Variants in SSH1 observed in about 807,000 individuals in gnomAD.
SSH1 encodes slingshot protein phosphatase 1.
Under a neutral mutation model 79.7 loss-of-function variants are expected in SSH1, and 43 were observed. That is an observed-to-expected ratio of 0.54 (90% CI 0.42 to 0.70). SSH1 has a LOEUF of 0.70. SSH1 is among the 30% of genes least tolerant of loss of function. The probability of loss-of-function intolerance (pLI) is 0.00; values close to 1 mark genes in which losing one functional copy is unlikely to be tolerated. For missense variants in SSH1, 1,206 were observed against 1,358.8 expected, an observed-to-expected ratio of 0.89 and a Z score of 1.77; for synonymous variants, 599 against 538.3, an observed-to-expected ratio of 1.11 and a Z score of -1.56.
rs1420015175 is a variant in SSH1 at position 108,799,097 on chromosome 12, T to C, written c.1252A>G (p.Lys418Glu). Residue 418 changes from lysine to glutamate, a missense_variant, in exon 13 of 15, where the codon AAA becomes GAA. Around this residue, in one of 5 missense-constraint regions of SSH1, gnomAD observed 166 missense variants for 262.9 expected, o/e 0.63. Transcript: ENST00000326495. ...TTCTGCTTTACATAGTTATATGCTT[T>C]TTCCAGAGGCCAGCCGAATTCCTTC... ...AMKEFGWPLEKAYNYVKQKRS... is the reference protein window; with the variant it reads ...AMKEFGWPLEEAYNYVKQKRS... 24 of 1,614,240 alleles carry C rather than the reference T, an allele frequency of 1.5e-5. No homozygotes were observed. The highest frequency in any genetic ancestry group is 1.9e-5 in the Non-Finnish European group (23 of 1,180,052).
In SSH1 at chr12:108,778,996, G is replaced by T. The variant is rs2036122969; in HGVS notation, c.*8992C>A. The T allele has an allele frequency of 6.6e-6, 1 of 152,024 alleles. No homozygotes were observed. Among genetic ancestry groups the T allele is most frequent in the Admixed American group, 6.6e-5 (1 of 15,254 alleles). The allele number at this position is 152,024 out of a possible 1,614,324, so 9.4% of individuals were successfully genotyped here. A position where few individuals can be genotyped will look rare whatever the true frequency, so the allele number is the denominator to read the frequency against. On this transcript the variant is annotated 3_prime_UTR_variant, in exon 15 of 15. Coordinates refer to ENST00000326495, the MANE Select transcript of SSH1 (RefSeq NM_018984.4). ...TTTTTGTATTATTGGTAGAGATGGG[G>T]GTTCACCATGTTACCTGGGCTGGTC... is the stretch of plus-strand genomic sequence containing the variant.
chr12:108,847,604 C>G (rs975595634), intron 2 of SSH1, among the ~76,000 whole-genome samples: 17 of 152,118 alleles, frequency 1.1e-4, no homozygotes, highest in African/African-American at 3.1e-4. Flanking sequence ...ATTACAGGAG[C>G]GCACCACCAG....
chr12:108,812,931 C>G lies in SSH1; in HGVS notation c.402-1603G>C, dbSNP rs1345080112. On this transcript the variant is annotated intron_variant, in intron 5 of 14. Transcript: ENST00000326495. ...AGGCTGGAATACAGTGGTGTAATCA[C>G]AGCTCACTGCAGCCTCGACCTCCAG... Among the ~76,000 whole-genome samples the G allele has an allele frequency of 2.0e-5, 3 of 150,660 alleles. 1 individual carries two copies. In the South Asian group the frequency reaches 6.3e-4, roughly 31 times the overall value.
chr12:108,834,558 G>A (rs2038552126), intron 2 of SSH1, among the ~76,000 whole-genome samples: 1 of 152,212 alleles, frequency 6.6e-6, no homozygotes, highest in Non-Finnish European at 1.5e-5. Context: ...CTTTGAATTA[G>A]TGGGTTCTGC....
chr12:108,823,171 A>G, intron 3 of SSH1, 87 bp downstream of exon 3: 1 of 1,344,818 alleles, frequency 7.4e-7, no homozygotes, highest in East Asian at 2.5e-5. Context: ...AAGGCCTTCA[A>G]ACTCAGCAAC....
intron 2 of SSH1, among the ~76,000 whole-genome samples, chr12:108,848,826 G>A (rs1398839677): frequency 6.6e-6 from 1 of 151,970 alleles, no homozygotes; most frequent in Non-Finnish European, 1.5e-5. Context: ...GTCTCCCTGT[G>A]GTCACAATGG....
chr12:108,813,164 G>C (rs1039166828), intron 5 of SSH1, among the ~76,000 whole-genome samples: 1 of 152,098 alleles, frequency 6.6e-6, no homozygotes, highest in African/African-American at 2.4e-5. Flanking sequence ...ACATAGTAAG[G>C]GAAGCTGAAT....
At chr12:108,812,001 C>G (rs547117926) in intron 5 of SSH1, among the ~76,000 whole-genome samples, 7 of 152,326 alleles carry the variant, frequency 4.6e-5, no homozygotes, top group Non-Finnish European at 8.8e-5. Context: ...TCCATCTCTG[C>G]TGCTGCCAAC....
chr12:108,818,745 G>A (rs866102442), intron 3 of SSH1, among the ~76,000 whole-genome samples: 2 of 152,152 alleles, frequency 1.3e-5, no homozygotes, highest in African/African-American at 4.8e-5. Flanking sequence ...AGAGCATCAC[G>A]TTTCCTCTTC....
intron 2 of SSH1, among the ~76,000 whole-genome samples, chr12:108,828,228 C>T (rs1021584085): frequency 6.6e-6 from 1 of 152,190 alleles, no homozygotes; most frequent in African/African-American, 2.4e-5. Context: ...GTAGGGGCTT[C>T]TCTTCCCTCG....
chr12:108,830,899 C>A (rs1162063628), intron 2 of SSH1, among the ~76,000 whole-genome samples: 3 of 152,128 alleles, frequency 2.0e-5, no homozygotes, highest in African/African-American at 7.2e-5. Flanking sequence ...TCCGCCTTGG[C>A]CTCCCAAAGT....
chr12:108,817,296 G>T, intron 4 of SSH1, 137 bp from the exon 5 acceptor site: 1 of 1,328,398 alleles, frequency 7.5e-7, no homozygotes, highest in South Asian at 1.2e-5. Flanking sequence ...ATTCTTGGCT[G>T]GGCATGGTGG....
intron 2 of SSH1, among the ~76,000 whole-genome samples, chr12:108,835,275 C>T (rs905116277): frequency 3.9e-5 from 6 of 152,150 alleles, no homozygotes; most frequent in South Asian, 2.1e-4. Context: ...TTTATACATA[C>T]GGGAACTGAG....
chr12:108,848,753 G>T (rs928879136), intron 2 of SSH1, among the ~76,000 whole-genome samples: 1 of 152,182 alleles, frequency 6.6e-6, no homozygotes, highest in Admixed American at 6.5e-5. Context: ...CACCTAGGGG[G>T]ACAAGCCCAG....
intron 2 of SSH1, among the ~76,000 whole-genome samples, chr12:108,852,063 C>CA (rs1393854402): frequency 1.3e-5 from 2 of 151,618 alleles, no homozygotes; most frequent in South Asian, 2.1e-4. Context: ...AATAAGTTAC[C>CA]AAAAAATGCT....
chr12:108,811,122 A>AAT (rs1362106461), intron 6 of SSH1, 138 bp downstream of exon 6: 4 of 813,344 alleles, frequency 4.9e-6, no homozygotes, highest in Non-Finnish European at 8.5e-6. Flanking sequence ...ACTCGAGGGC[A>AAT]ATATGATTTC....
At chr12:108,845,216 A>T (rs568341100) in intron 2 of SSH1, among the ~76,000 whole-genome samples, 64 of 146,050 alleles carry the variant, frequency 4.4e-4, no homozygotes, top group South Asian at 4.3e-3. Flanking sequence ...AAAAAAAAGT[A>T]AAAAAAAAAA....
chr12:108,800,407 G>A (rs1334006945), intron 12 of SSH1, among the ~76,000 whole-genome samples: 1 of 152,092 alleles, frequency 6.6e-6, no homozygotes, highest in Non-Finnish European at 1.5e-5. Context: ...AGCCCTCTTT[G>A]GCTCAGTGAC....
chr12:108,802,883 T>C (rs1017898545), intron 10 of SSH1, among the ~76,000 whole-genome samples: 1 of 152,132 alleles, frequency 6.6e-6, no homozygotes, highest in Non-Finnish European at 1.5e-5. Context: ...CACACAGTGA[T>C]TTAGGTAGGA....
Sources: allele counts gnomAD v4.1 joint callset (sites outside exome capture counted in the v4.1 genomes callset), GRCh38; gene constraint gnomAD v4.1.1; regional missense constraint gnomAD v4.1.1; transcripts MANE v1.5; gene names NCBI Gene and HGNC (gene_info 2026-07-23, HGNC 2026-07-21).